The following CFAP92 variants were observed in gnomAD, a reference collection of about 807,000 sequenced individuals.
The protein encoded by CFAP92 is cilia and flagella associated protein 92 (putative), also known as uncharacterized protein CFAP92.
CFAP92 carries 86 observed loss-of-function variants against 106.3 expected under a neutral mutation model. The observed-to-expected ratio is 0.81, with a 90% CI of 0.68 to 0.97. CFAP92 has a LOEUF of 0.97. Among genes scored for constraint, CFAP92 ranks in the 50% least tolerant of loss-of-function variants. The pLI is 0.00. For missense variants in CFAP92, 1,204 were observed against 1,283.8 expected, an observed-to-expected ratio of 0.94 and a Z score of 0.95; for synonymous variants, 477 against 506.4, an observed-to-expected ratio of 0.94 and a Z score of 0.78.
chr3:128,991,235 T>C (rs1356500781), intron 2 of CFAP92, among the ~76,000 whole-genome samples: 2 of 152,244 alleles, frequency 1.3e-5, no homozygotes, highest in Non-Finnish European at 2.9e-5. Context: ...CAGGCTCTTT[T>C]GCTTTATAGC....
chr3:128,994,985 A>G (rs1231580517), upstream of CFAP92, among the ~76,000 whole-genome samples: 1 of 152,198 alleles, frequency 6.6e-6, no homozygotes, highest in African/African-American at 2.4e-5. Flanking sequence ...TGCAGGGCCC[A>G]TGGTACATAG....
At chr3:128,912,162 CCCCAGTGCTGACAGGTT>C (rs969254390) in intron 15 of CFAP92, among the ~76,000 whole-genome samples, 9 of 152,312 alleles carry the variant, frequency 5.9e-5, no homozygotes, top group Admixed American at 2.6e-4. Context: ...CCAGACACCC[CCCCAGTGCTGACAGGTT>C]ATGTGCTGTG....
In CFAP92 at chr3:129,001,671, G is replaced by T. The variant is rs751195044; in HGVS notation, n.117+903C>A. Reference sequence around the variant, plus strand: ...GGGCGCGGAGGCCGGCATGGAGGGCGCGGGAGGTGACCCGTACCGGCGACC... The same window carrying T: ...GGGCGCGGAGGCCGGCATGGAGGGCTCGGGAGGTGACCCGTACCGGCGACC... On this transcript the variant is annotated intron_variant and non_coding_transcript_variant, in intron 1 of 4. Coordinates refer to the CFAP92 transcript ENST00000510149. The T allele has an allele frequency of 9.0e-5, 130 of 1,445,244 alleles. No individual in the cohort carries two copies. Among genetic ancestry groups the T allele is most frequent in the Non-Finnish European group, 1.1e-4 (125 of 1,101,274 alleles). 89.5% of individuals were successfully genotyped at this position (1,445,244 alleles called of 1,614,324 possible).
At chr3:129,024,341 G>C in the CFAP92 span, among the ~76,000 whole-genome samples, 1 of 152,024 alleles carries the variant, frequency 6.6e-6, no homozygotes. Flanking sequence ...AGACCCGCCT[G>C]GCCAACATGG....
At chr3:128,932,216 C>T (rs772035182) in intron 12 of CFAP92, among the ~76,000 whole-genome samples, 25 of 152,126 alleles carry the variant, frequency 1.6e-4, no homozygotes, top group African/African-American at 3.1e-4. Flanking sequence ...ATGGGGTGAG[C>T]GAGGTTCTCC....
At chr3:129,025,363 G>A in the CFAP92 span, among the ~76,000 whole-genome samples, 3 of 152,142 alleles carry the variant, frequency 2.0e-5, no homozygotes, top group South Asian at 2.1e-4. Context: ...GCAGTCTCCC[G>A]GAAGCCACGG....
chr3:129,022,347 C>T, the CFAP92 span, among the ~76,000 whole-genome samples: 15 of 152,150 alleles, frequency 9.9e-5, no homozygotes, highest in African/African-American at 3.6e-4. Context: ...AGCCACAGTC[C>T]TGAGGGTGGA....
chr3:129,011,207 C>T, the CFAP92 span, among the ~76,000 whole-genome samples: 1 of 152,142 alleles, frequency 6.6e-6, no homozygotes, highest in Non-Finnish European at 1.5e-5. Context: ...GAAGATTCAA[C>T]TTGCTGTTGT....
upstream of CFAP92, among the ~76,000 whole-genome samples, chr3:129,005,554 T>G (rs1347213369): frequency 2.0e-5 from 3 of 152,248 alleles, no homozygotes. Context: ...AATAAAAAGT[T>G]ACCCTGGCTA....
chr3:128,927,723 CAAA>C (rs569749049), intron 12 of CFAP92, among the ~76,000 whole-genome samples: 1 of 107,700 alleles, frequency 9.3e-6, no homozygotes, highest in Admixed American at 1.0e-4. Context: ...GACTCTGTCT[CAAA>C]AAAAAAAAAA....
At chr3:128,929,192 G>A (rs540142469) in intron 12 of CFAP92, among the ~76,000 whole-genome samples, 13 of 152,204 alleles carry the variant, frequency 8.5e-5, no homozygotes, top group East Asian at 7.7e-4. Flanking sequence ...ATCTAGCATC[G>A]TCAGTCATTA....
At chr3:129,014,820 G>C in the CFAP92 span, among the ~76,000 whole-genome samples, 8 of 152,198 alleles carry the variant, frequency 5.3e-5, no homozygotes, top group African/African-American at 1.9e-4. This position sits in a 1 kb window ranked among gnomAD's most constrained non-coding sequence, Gnocchi z 4.3. Flanking sequence ...GGACGAGCAG[G>C]TTGGAGCCAG....
the CFAP92 span, among the ~76,000 whole-genome samples, chr3:129,009,007 G>T: frequency 3.0e-5 from 4 of 133,990 alleles, no homozygotes; most frequent in Non-Finnish European, 6.4e-5. Context: ...GATTATTGGC[G>T]GGGTGGGGGG....
At chr3:128,990,482 G>A (rs949665542) in intron 2 of CFAP92, among the ~76,000 whole-genome samples, 1 of 152,156 alleles carries the variant, frequency 6.6e-6, no homozygotes, top group African/African-American at 2.4e-5. Context: ...GGGTGACAGA[G>A]AGAGACTCTG....
chr3:128,977,109 T>C (rs768290780), intron 5 of CFAP92, 43 bp from the exon 6 acceptor site: 1 of 1,530,020 alleles, frequency 6.5e-7, no homozygotes, highest in South Asian at 1.1e-5. Context: ...TGTTACATGC[T>C]AGTTCACTAA....
chr3:129,004,219 T>G (rs1944956893), upstream of CFAP92: 3 of 1,118,328 alleles, frequency 2.7e-6, no homozygotes, highest in Non-Finnish European at 3.5e-6. Context: ...TTTCATTCCT[T>G]TGTCAGTTCT....
chr3:128,977,584 G>A (rs1943238726), intron 5 of CFAP92, among the ~76,000 whole-genome samples: 1 of 152,152 alleles, frequency 6.6e-6, no homozygotes, highest in Non-Finnish European at 1.5e-5. Context: ...TTCGGACCAG[G>A]TGCAGTGGCT....
At chr3:128,972,995 G>A (rs1237493105) in intron 7 of CFAP92, among the ~76,000 whole-genome samples, 3 of 152,152 alleles carry the variant, frequency 2.0e-5, no homozygotes, top group Non-Finnish European at 2.9e-5. Flanking sequence ...ACCCAGCTGA[G>A]GAAGGATTTC....
At chr3:129,026,682 CTT>C in the CFAP92 span, among the ~76,000 whole-genome samples, 1 of 152,190 alleles carries the variant, frequency 6.6e-6, no homozygotes, top group Non-Finnish European at 1.5e-5. Context: ...AGACAGTGAC[CTT>C]ATTCCCTTGT....
Sources: gnomAD v4.1 joint callset for allele counts (sites outside exome capture counted in the v4.1 genomes callset) on GRCh38, gnomAD v4.1.1 for gene constraint, Gnocchi (gnomAD v3.1) non-coding constraint, MANE v1.5 for transcripts, NCBI Gene and HGNC (gene_info 2026-07-23, HGNC 2026-07-21) for gene names.